EIF3B: variants seen among roughly 807,000 people sequenced by gnomAD.
EIF3B encodes the protein eukaryotic translation initiation factor 3 subunit B.
In EIF3B, 10 loss-of-function variants were observed where a neutral mutation model predicts 104.6. That is an observed-to-expected ratio of 0.10 (90% confidence interval 0.06 to 0.16). The LOEUF (loss-of-function observed/expected upper bound fraction) is 0.16. Among genes scored for constraint, EIF3B ranks in the 10% least tolerant of loss-of-function variants. The pLI is 1.00. For synonymous variants in EIF3B, 542 were observed against 417.2 expected (o/e 1.30, Z -3.65); for missense variants, 1,014 against 1,087.9 (o/e 0.93, Z 0.96).
intron 11 of EIF3B, 77 bp downstream of exon 11, chr7:2,371,926 G>C: frequency 8.4e-7 from 1 of 1,187,064 alleles, no homozygotes; most frequent in Non-Finnish European, 1.3e-6. Flanking sequence ...ACTTCCATGC[G>C]AGGGGTTGTC....
intron 12 of EIF3B, chr7:2,374,196 G>A (rs1780513757): frequency 4.6e-6 from 1 of 217,258 alleles, no homozygotes; most frequent in African/African-American, 2.2e-5. Flanking sequence ...TTGGTCTTTT[G>A]GGGTCACACG....
In EIF3B at chr7:2,379,030, C is replaced by G. The variant is rs1780848482; in HGVS notation, c.2233-104C>G. The G allele has an allele frequency of 9.2e-5, 87 of 948,218 alleles. 2 individuals carry two copies. In the South Asian group the frequency reaches 1.3e-3, roughly 14 times the overall value. 58.7% of individuals were successfully genotyped at this position (948,218 alleles called of 1,614,324 possible). A position where few individuals can be genotyped will look rare whatever the true frequency, so the allele number is the denominator to read the frequency against. The stretch of plus-strand genomic sequence containing the variant: ...GGACTAGCCATTCCTGCTTGAGTGC[C>G]TCTGTATGCTGTCCTTCTGGCACCG... On this transcript the variant is annotated intron_variant, in intron 16 of 18. Transcript: ENST00000360876.
chr7:2,368,439 C>T (rs568791198), intron 9 of EIF3B, among the ~76,000 whole-genome samples: 185 of 152,330 alleles, frequency 1.2e-3, no homozygotes, highest in African/African-American at 4.0e-3. Context: ...TGTGAGCCAC[C>T]GCGCCCGGCC....
chr7:2,372,725 G>A lies in EIF3B; in HGVS notation c.1740G>A (p.Leu580=), dbSNP rs772447623. ...WEPNGSKFAV[L]HGEAPRISVS... is the part of the protein sequence containing the mutation. ...CAAATGGAAGTAAGTTTGCTGTGCT[G>A]CACGGAGAGGCTCCGCGGATATCTG... The change falls in exon 12 of 19, where the codon CTG becomes CTA. Residue 580 remains leucine (L), a synonymous_variant. Transcript: ENST00000360876. The A allele has an allele frequency of 2.5e-6, 4 of 1,614,044 alleles. No individual in the cohort carries two copies. The East Asian group carries it at 6.7e-5, about 27-fold the overall frequency.
At chr7:2,367,105 A>G (rs1402921843) in intron 9 of EIF3B, 60 bp downstream of exon 9, 33 of 956,608 alleles carry the variant, frequency 3.4e-5, no homozygotes, top group East Asian at 7.3e-5. Context: ...ACAATACCAA[A>G]AAAAAAAAAA....
At chr7:2,364,227 A>G (rs549102167) in intron 5 of EIF3B, 145 bp from the exon 6 acceptor site, 29 of 711,848 alleles carry the variant, frequency 4.1e-5, no homozygotes, top group Non-Finnish European at 6.2e-5. Flanking sequence ...GCGCCACTGC[A>G]CTCCAGCCTG....
intron 6 of EIF3B, among the ~76,000 whole-genome samples, chr7:2,365,487 G>T (rs1779958264): frequency 6.6e-6 from 1 of 152,130 alleles, no homozygotes; most frequent in Non-Finnish European, 1.5e-5. Flanking sequence ...TTCCCCTCTG[G>T]TGTTGTAAGG....
At position 2,355,376 on chromosome 7, in the gene EIF3B, CCTT is replaced by C. The variant is rs1174591348; in HGVS notation, c.457_459del (p.Phe153del). On this transcript the variant is annotated inframe_deletion, in exon 1 of 19. Coordinates refer to ENST00000360876, the MANE Select transcript of EIF3B (RefSeq NM_001037283.2). The stretch of plus-strand genomic sequence containing the variant: ...GAGAACGGCGACGCGGACGAGCCCT[CCTT>C]CAGCGACCCCGAGGACTTCGTGGAC... The C allele has an allele frequency of 3.7e-5, 57 of 1,531,170 alleles. No individual in the cohort carries two copies. The highest frequency in any genetic ancestry group is 4.7e-5 in the Non-Finnish European group (54 of 1,144,746). The allele number at this position is 1,531,170 out of a possible 1,614,324, so 94.8% of individuals were successfully genotyped here.
chr7:2,371,785 C>T lies in EIF3B; in HGVS notation c.1623C>T (p.Val541=). Residue 541 remains valine, a synonymous_variant, in exon 11 of 19, where the codon GTC becomes GTT. Coordinates refer to ENST00000360876, the MANE Select transcript of EIF3B (RefSeq NM_001037283.2). ...CCCTTTTTTTTAAACAGGGTGTTGT[C>T]ACAAATTTTGAAATTTTCCGAATGA... The part of the protein sequence containing the change: ...DRTPKGTQGV[V]TNFEIFRMRE... 1 of 1,613,366 alleles carries T rather than the reference C, an allele frequency of 6.2e-7. No individual in the cohort carries two copies. The highest frequency in any genetic ancestry group is 8.5e-7 in the Non-Finnish European group (1 of 1,179,516).
In EIF3B at chr7:2,369,368, G is replaced by A. The variant is rs200382824; in HGVS notation, c.1404-104G>A. ...GGAGCGCTCAGCGTCAGCTGTGACA[G>A]CATTGAGCTTCTATATAGCAAATGA... is the stretch of plus-strand genomic sequence containing the variant. On this transcript the variant is annotated intron_variant, in intron 9 of 18. Coordinates refer to ENST00000360876, the MANE Select transcript of EIF3B (RefSeq NM_001037283.2). The A allele has an allele frequency of 1.4e-5, 17 of 1,213,702 alleles. No homozygotes were observed. The East Asian group carries it at 2.3e-4, about 17-fold the overall frequency. 75.2% of individuals were successfully genotyped at this position (1,213,702 alleles called of 1,614,324 possible). A position where few individuals can be genotyped will look rare whatever the true frequency, so the allele number is the denominator to read the frequency against.
chr7:2,373,435 T>A (rs540299665), intron 12 of EIF3B: 1 of 152,548 alleles, frequency 6.6e-6, no homozygotes, highest in South Asian at 2.1e-4. Context: ...GAGGTGGCGA[T>A]GGGCTGTGTT....
At chr7:2,378,355 T>A (rs571228568) in intron 15 of EIF3B, 22 of 288,674 alleles carry the variant, frequency 7.6e-5, no homozygotes, top group Admixed American at 1.7e-4. Context: ...CTTGGTGTCA[T>A]GGAGGAAGGA....
At position 2,378,724 on chromosome 7, in the gene EIF3B, C is replaced by T. The variant is rs1459633460; in HGVS notation, c.2190C>T (p.Ile730=). Residue 730 remains isoleucine, a synonymous_variant, in exon 16 of 19, where the codon ATC becomes ATT. Coordinates refer to ENST00000360876, the MANE Select transcript of EIF3B (RefSeq NM_001037283.2). Reference sequence around the variant, plus strand: ...AGGATCTGAAGAAATACTCTAAGATCTTTGAACAGAAGGATCGTTTGAGTC... The same window carrying T: ...AGGATCTGAAGAAATACTCTAAGATTTTTGAACAGAAGGATCGTTTGAGTC... The part of the protein sequence containing the change: ...IKKDLKKYSK[I]FEQKDRLSQS... 1.9e-6 allele frequency: 3 copies of T among 1,614,050 alleles called. No homozygotes were observed. Among genetic ancestry groups the T allele is most frequent in the South Asian group, 2.2e-5 (2 of 91,088 alleles).
chr7:2,369,404 T>C, intron 9 of EIF3B, 68 bp from the exon 10 acceptor site: 1 of 1,523,982 alleles, frequency 6.6e-7, no homozygotes, highest in Non-Finnish European at 9.1e-7. Context: ...GTTGTTCTAT[T>C]CTCTTCTGCT....
intron 1 of EIF3B, among the ~76,000 whole-genome samples, chr7:2,356,466 G>A (rs1171274676): frequency 6.6e-6 from 1 of 152,042 alleles, no homozygotes; most frequent in Non-Finnish European, 1.5e-5. Context: ...GCCGGGCGTG[G>A]TGGCGGGCAC....
chr7:2,377,550 G>A (rs1429605726), intron 15 of EIF3B, among the ~76,000 whole-genome samples: 6 of 122,074 alleles, frequency 4.9e-5, no homozygotes, highest in African/African-American at 7.5e-5. Flanking sequence ...GAGCAGGCAC[G>A]AGCGCTCCTG....
rs1779305487 is a variant in EIF3B, at chr7:2,354,927, G to C, written c.6G>C (p.Gln2His). The change falls in exon 1 of 19, where the codon CAG becomes CAC. Residue 2 changes from glutamine (Q) to histidine (H), a missense_variant. Physicochemically the swap from Gln to His is conservative, Grantham distance 24. Around this residue, in one of 4 missense-constraint regions of EIF3B, gnomAD observed 488 missense variants for 404.3 expected, o/e 1.21. Coordinates refer to ENST00000360876, the MANE Select transcript of EIF3B (RefSeq NM_001037283.2). M[Q>H]DAENVAVPEA... is the part of the protein sequence containing the mutation. The stretch of plus-strand genomic sequence containing the variant: ...GAGTAGGCAGCGTTGGGCCCATGCA[G>C]GACGCGGAGAACGTGGCGGTGCCCG... 1 of 1,232,592 alleles carries C rather than the reference G, an allele frequency of 8.1e-7. No individual in the cohort carries two copies. The allele number at this position is 1,232,592 out of a possible 1,614,324, so 76.4% of individuals were successfully genotyped here.
At chr7:2,377,217 G>A in intron 15 of EIF3B, 142 bp downstream of exon 15, 1 of 1,154,000 alleles carries the variant, frequency 8.7e-7, no homozygotes, top group East Asian at 2.6e-5. Context: ...AAGAGACGCA[G>A]GAACAGTGAG....
chr7:2,363,046 T>C, intron 3 of EIF3B, 24 bp from the exon 4 acceptor site: 2 of 1,613,832 alleles, frequency 1.2e-6, no homozygotes, highest in Non-Finnish European at 1.7e-6. Context: ...GGCGTGGGGC[T>C]CAGCAGTCTC....
Sources: gnomAD v4.1 joint callset for allele counts (sites outside exome capture counted in the v4.1 genomes callset) on GRCh38, gnomAD v4.1.1 for gene constraint, gnomAD v4.1.1 regional missense constraint, MANE v1.5 for transcripts, NCBI Gene and HGNC (gene_info 2026-07-23, HGNC 2026-07-21) for gene names.